The following EML6 variants were observed in gnomAD, a reference collection of about 807,000 sequenced individuals.
The protein encoded by EML6 is EMAP like 6.
Under a neutral mutation model 240.1 loss-of-function variants are expected in EML6, and 154 were observed. The ratio of observed to expected loss-of-function variants is 0.64; its 90% confidence interval spans 0.56 to 0.73. The LOEUF is 0.73. Among genes scored for constraint, EML6 ranks in the 30% least tolerant of loss-of-function variants. EML6 has a pLI of 0.00. For synonymous variants in EML6, 1,148 were observed against 899.0 expected, an observed-to-expected ratio of 1.28 and a Z score of -4.95; for missense variants, 2,964 against 2,474.6, an observed-to-expected ratio of 1.20 and a Z score of -4.20.
chr2:54,942,809 C>G (rs116087239), intron 28 of EML6, among the ~76,000 whole-genome samples: 322 of 152,310 alleles, frequency 2.1e-3, no homozygotes, highest in African/African-American at 7.2e-3. Flanking sequence ...CTGGATTTCT[C>G]ATTCCCGGGT....
intron 11 of EML6, among the ~76,000 whole-genome samples, chr2:54,855,156 TTATAAAGAA>T (rs1670304975): frequency 1.3e-5 from 2 of 152,188 alleles, no homozygotes; most frequent in South Asian, 4.1e-4. Flanking sequence ...ACTTGGTAAT[TTATAAAGAA>T]TAGAGGTTTA....
At chr2:54,755,757 C>G (rs1667692756) in intron 2 of EML6, among the ~76,000 whole-genome samples, 1 of 152,092 alleles carries the variant, frequency 6.6e-6, no homozygotes, top group Non-Finnish European at 1.5e-5. Flanking sequence ...ACCTCCCAGG[C>G]TCAAGCGATC....
intron 26 of EML6, among the ~76,000 whole-genome samples, chr2:54,925,901 C>T (rs1184187415): frequency 6.6e-6 from 1 of 152,150 alleles, no homozygotes; most frequent in South Asian, 2.1e-4. Context: ...TTTTAAAACC[C>T]TCCATGCCCT....
At chr2:54,894,818 C>T (rs1672674392) in intron 19 of EML6, 97 bp from the exon 20 acceptor site, 2 of 705,116 alleles carry the variant, frequency 2.8e-6, no homozygotes, top group East Asian at 2.7e-5. Context: ...AGGTAGCATC[C>T]ACAAAGCTTC....
Position 54,971,440 on chromosome 2 carries a change from G to A in EML6, c.*1345G>A, listed in dbSNP as rs556162062. 17 of 152,274 alleles carry A rather than the reference G, an allele frequency of 1.1e-4. No individual in the cohort carries two copies. Among genetic ancestry groups the A allele is most frequent in the East Asian group, 5.8e-4 (3 of 5,178 alleles). 9.4% of individuals were successfully genotyped at this position (152,274 alleles called of 1,614,324 possible). A position where few individuals can be genotyped will look rare whatever the true frequency, so the allele number is the denominator to read the frequency against. On this transcript the variant is annotated 3_prime_UTR_variant, in exon 42 of 42. Coordinates refer to ENST00000356458, the MANE Select transcript of EML6 (RefSeq NM_001039753.4). ...CTATTAGTCCTTCTGGTCAGTGAAC[G>A]AAAATTCTAGACCTACAGTTACTGG...
chr2:54,838,239 C>G (rs375477603), intron 7 of EML6, among the ~76,000 whole-genome samples: 4 of 152,192 alleles, frequency 2.6e-5, no homozygotes, highest in Admixed American at 2.6e-4. Flanking sequence ...TTGTTCTGTG[C>G]TGAGATGTGA....
At chr2:54,944,548 T>A (rs896436444) in intron 28 of EML6, among the ~76,000 whole-genome samples, 1 of 152,164 alleles carries the variant, frequency 6.6e-6, no homozygotes, top group Non-Finnish European at 1.5e-5. Flanking sequence ...TTAGTTCCCT[T>A]TACGCCACCC....
intron 26 of EML6, among the ~76,000 whole-genome samples, chr2:54,918,772 C>G (rs907984802): frequency 2.0e-5 from 3 of 152,202 alleles, no homozygotes; most frequent in Non-Finnish European, 4.4e-5. Flanking sequence ...TGGCAAATGT[C>G]TTGCCTAAAG....
chr2:54,777,390 C>T (rs944780591), intron 2 of EML6, among the ~76,000 whole-genome samples: 6 of 152,148 alleles, frequency 3.9e-5, no homozygotes, highest in Non-Finnish European at 5.9e-5. Context: ...GACTTTTATG[C>T]TCACTTTTTA....
At chr2:54,863,018 A>G (rs1056716172) in intron 12 of EML6, among the ~76,000 whole-genome samples, 6 of 152,330 alleles carry the variant, frequency 3.9e-5, no homozygotes, top group East Asian at 1.9e-4. Context: ...GTTGGGGCCT[A>G]TGTGTTCCAA....
At chr2:54,813,469 A>AT in intron 3 of EML6, 78 bp downstream of exon 3, 1 of 1,221,294 alleles carries the variant, frequency 8.2e-7, no homozygotes, top group Middle Eastern at 2.6e-4. Context: ...TAGCCAGTAG[A>AT]TTCAAAGTCC....
rs1322622642 is a variant in EML6 at position 54,788,252 on chromosome 2, C to T, written c.198-24980C>T. ...TCCCGCTTCCTGTTGGCCTGCAAGG[C>T]GGGCTGCCCTCTTCTCTCTGGCATC... On this transcript the variant is annotated intron_variant, in intron 2 of 41. Coordinates refer to ENST00000356458, the MANE Select transcript of EML6 (RefSeq NM_001039753.4). 7.2e-5 allele frequency among the ~76,000 whole-genome samples: 11 copies of T among 152,198 alleles called. No homozygotes were observed. The East Asian group carries it at 1.5e-3, about 21-fold the overall frequency.
intron 14 of EML6, chr2:54,867,448 T>A (rs1304264568): frequency 6.6e-6 from 1 of 152,240 alleles, no homozygotes; most frequent in Non-Finnish European, 1.5e-5. Context: ...GCCATAAATG[T>A]TTGATTCTCA....
intron 17 of EML6, among the ~76,000 whole-genome samples, chr2:54,885,764 A>G (rs1672095115): frequency 6.6e-6 from 1 of 152,012 alleles, no homozygotes; most frequent in African/African-American, 2.4e-5. Context: ...GGCGCCAGCC[A>G]CCGCGCCCGG....
At chr2:54,741,949 A>G (rs1038351541) in intron 2 of EML6, among the ~76,000 whole-genome samples, 1 of 152,214 alleles carries the variant, frequency 6.6e-6, no homozygotes, top group Non-Finnish European at 1.5e-5. Context: ...GTGATTTTAC[A>G]TTGTCCTCCA....
intron 2 of EML6, among the ~76,000 whole-genome samples, chr2:54,760,450 G>A (rs978603060): frequency 6.6e-6 from 1 of 152,068 alleles, no homozygotes; most frequent in African/African-American, 2.4e-5. Flanking sequence ...GTGTTTCAGT[G>A]AATCCTTGCA....
intron 12 of EML6, among the ~76,000 whole-genome samples, chr2:54,862,919 A>G (rs939332178): frequency 1.3e-5 from 2 of 152,202 alleles, no homozygotes; most frequent in South Asian, 2.1e-4. Context: ...TGTAACAGGC[A>G]GTGGGTCTGT....
intron 17 of EML6, chr2:54,882,065 T>C (rs1397277210): frequency 6.6e-6 from 1 of 152,204 alleles, no homozygotes; most frequent in Non-Finnish European, 1.5e-5. Context: ...GGTGAGAATA[T>C]TTTAAATGAA....
At chr2:54,859,381 G>A (rs79466642) in intron 11 of EML6, among the ~76,000 whole-genome samples, 153 bp from the exon 12 acceptor site, 8,654 of 152,238 alleles carry the variant, frequency 0.057, 371 homozygotes, top group South Asian at 0.16. Context: ...ATATTTTGAA[G>A]CATTTGGTTA....
Sources: allele counts gnomAD v4.1 joint callset (sites outside exome capture counted in the v4.1 genomes callset), GRCh38; gene constraint gnomAD v4.1.1; transcripts MANE v1.5; gene names NCBI Gene and HGNC (gene_info 2026-07-23, HGNC 2026-07-21).